Variants in EFHB observed in about 807,000 individuals in gnomAD.
EFHB encodes the protein EF-hand domain-containing family member B.
A neutral mutation model predicts 87.2 loss-of-function variants in EFHB; 91 were observed. That is an observed-to-expected ratio of 1.04 (90% CI 0.88 to 1.24). The LOEUF (loss-of-function observed/expected upper bound fraction) is 1.24, where lower values mean the gene tolerates loss of function less well. Among genes scored for constraint, EFHB ranks in the 50% most tolerant of loss-of-function variants. The probability of loss-of-function intolerance (pLI) is 0.00; values close to 1 mark genes in which losing one functional copy is unlikely to be tolerated. For missense variants in EFHB, 1,084 were observed against 998.8 expected, an observed-to-expected ratio of 1.09 and a Z score of -1.15; for synonymous variants, 325 against 333.6, an observed-to-expected ratio of 0.97 and a Z score of 0.28.
chr3:19,880,412 G>A (rs2071645677), intron 12 of EFHB, among the ~76,000 whole-genome samples: 1 of 151,876 alleles, frequency 6.6e-6, no homozygotes, highest in Non-Finnish European at 1.5e-5. Flanking sequence ...ACCACACCTG[G>A]CCAATTTTTT....
chr3:19,918,318 GGTGCTC>G lies in EFHB; in HGVS notation c.1085_1090del (p.Arg362_Ala363del), dbSNP rs766313970. The G allele has an allele frequency of 6.2e-7, 1 of 1,612,904 alleles. No homozygotes were observed. The highest frequency in any genetic ancestry group is 2.2e-5 in the East Asian group (1 of 44,846). The stretch of plus-strand genomic sequence containing the variant: ...TGCTTGATCGTGAGATTTTCCTAAT[GGTGCTC>G]GTCGATTGCTAAGATATATAGATTC... On this transcript the variant is annotated inframe_deletion, in exon 4 of 13. Coordinates refer to ENST00000295824, the MANE Select transcript of EFHB (RefSeq NM_144715.4).
intron 1 of EFHB, among the ~76,000 whole-genome samples, chr3:19,943,713 A>G (rs377385194): frequency 9.2e-5 from 14 of 152,342 alleles, no homozygotes; most frequent in East Asian, 3.9e-4. Flanking sequence ...AGACTAGAGC[A>G]TCTGCAAATT....
Position 19,899,495 on chromosome 3 carries a change from A to G in EFHB, c.1439T>C (p.Val480Ala), listed in dbSNP as rs752814321. ...TTTGAAATCATCTGCTCTTTTGGAT[A>G]CAAACTTAGCTCCTCTTTTCCTGCA... The part of the protein sequence containing the change: ...ELQMKRGAKF[V>A]SKRADDFKEK... The change falls in exon 7 of 13, where the codon GTA becomes GCA. Residue 480 changes from valine (V) to alanine (A), a missense_variant. Physicochemically the swap from Val to Ala is moderately conservative, Grantham distance 64. Coordinates refer to ENST00000295824, the MANE Select transcript of EFHB (RefSeq NM_144715.4). 1.2e-6 allele frequency: 2 copies of G among 1,604,950 alleles called. No homozygotes were observed. The highest frequency in any genetic ancestry group is 1.7e-5 in the Admixed American group (1 of 58,638).
Position 19,919,905 on chromosome 3 carries a change from A to C in EFHB, c.924T>G (p.Phe308Leu). 6.2e-7 allele frequency: 1 copy of C among 1,613,668 alleles called. No individual in the cohort carries two copies. Among genetic ancestry groups the C allele is most frequent in the Non-Finnish European group, 8.5e-7 (1 of 1,179,780 alleles). The change falls in exon 3 of 13, where the codon TTT (phenylalanine) becomes TTG (leucine). Residue 308 changes from phenylalanine (F) to leucine (L), a missense_variant. Physicochemically the swap from Phe to Leu is conservative, Grantham distance 22. Transcript: ENST00000295824. ...TCTGGGGATCATTTGCTCTTCCGTA[A>C]AATACTCTTTCTACTCCAGCAGGTG... Reference protein sequence around the residue: ...RYPPAGVERVFYGRANDPQIA... With the variant: ...RYPPAGVERVLYGRANDPQIA...
intron 3 of EFHB, among the ~76,000 whole-genome samples, chr3:19,918,905 G>A (rs1052876786): frequency 2.7e-5 from 4 of 150,324 alleles, no homozygotes; most frequent in African/African-American, 4.9e-5. Context: ...GCTTGAGCCC[G>A]GTAAGTGGAG....
At chr3:19,895,480 C>CA (rs746098754) in intron 9 of EFHB, among the ~76,000 whole-genome samples, 5,936 of 99,550 alleles carry the variant, frequency 0.06, 365 homozygotes, top group African/African-American at 0.18. Context: ...GACTCGGTCT[C>CA]AAAAAAAAAA....
chr3:19,943,255 A>T, intron 1 of EFHB: 1 of 266,062 alleles, frequency 3.8e-6, no homozygotes, highest in South Asian at 5.1e-5. Flanking sequence ...TACATGCTGG[A>T]AAACACCCAC....
chr3:19,920,751 T>C (rs148618969), intron 1 of EFHB, among the ~76,000 whole-genome samples, 184 bp from the exon 2 acceptor site: 44 of 152,350 alleles, frequency 2.9e-4, no homozygotes, highest in Admixed American at 2.5e-3. Context: ...TTAAATGCTA[T>C]GTATATATTA....
At chr3:19,887,542 A>G (rs1003350188) in intron 10 of EFHB, among the ~76,000 whole-genome samples, 1 of 152,274 alleles carries the variant, frequency 6.6e-6, no homozygotes, top group East Asian at 1.9e-4. Context: ...GAAAGATAAA[A>G]TGTAGGCCAG....
intron 9 of EFHB, among the ~76,000 whole-genome samples, chr3:19,889,856 A>C (rs1694243948): frequency 2.0e-5 from 3 of 152,124 alleles, no homozygotes; most frequent in African/African-American, 4.8e-5. Context: ...GCGTGGTGGC[A>C]CATGCCTGTA....
Position 19,918,196 on chromosome 3 carries a change from C to T in EFHB, c.1177+36G>A. 5 of 1,512,578 alleles carry T rather than the reference C, an allele frequency of 3.3e-6. No homozygotes were observed. The South Asian group carries it at 5.2e-5, about 16-fold the overall frequency. 93.7% of individuals were successfully genotyped at this position (1,512,578 alleles called of 1,614,324 possible). On this transcript the variant is annotated intron_variant, in intron 4 of 12. Coordinates refer to ENST00000295824, the MANE Select transcript of EFHB (RefSeq NM_144715.4). Reference sequence around the variant, plus strand: ...AATTTTCCAAAGAGACTTATTTTACCAGCCCCTTCCCACCCCTTATTTTTT... The same window carrying T: ...AATTTTCCAAAGAGACTTATTTTACTAGCCCCTTCCCACCCCTTATTTTTT...
intron 9 of EFHB, among the ~76,000 whole-genome samples, chr3:19,892,855 C>CTAAAATAAAATAAAATAAAATAAAA (rs202053738): frequency 4.4e-5 from 6 of 136,922 alleles, no homozygotes; most frequent in African/African-American, 1.9e-4. Flanking sequence ...AATCTCATCT[C>CTAAAATAAAATAAAATAAAATAAAA]TAAAATAAAA....
In EFHB at chr3:19,933,623, C is replaced by T. The variant is rs754125961; in HGVS notation, c.396G>A (p.Arg132=). 1.9e-6 allele frequency: 3 copies of T among 1,614,012 alleles called. No individual in the cohort carries two copies. Among genetic ancestry groups the T allele is most frequent in the Admixed American group, 1.7e-5 (1 of 60,026 alleles). Residue 132 remains arginine, a synonymous_variant, in exon 1 of 13, where the codon AGG becomes AGA. Transcript: ENST00000295824. ...CTGCAGCCTGTGAACTTCCACACAC[C>T]CTGCCCAAAGGAGGCTGTATTATCC... ...HERIIQPPLG[R]VCGSSQAAGS...
rs547821176 is a variant in EFHB, at chr3:19,899,237, C to T, written c.1502+195G>A. Among the ~76,000 whole-genome samples the T allele has an allele frequency of 7.2e-4, 110 of 152,342 alleles. 1 individual carries two copies. Among genetic ancestry groups the T allele is most frequent in the African/African-American group, 2.6e-3 (108 of 41,578 alleles). On this transcript the variant is annotated intron_variant, in intron 7 of 12. Transcript: ENST00000295824. ...ATCCCTCTCTCTTCTCCAGTGCCTT[C>T]TGCATTTTGGAGAACTCACTGCTTT...
intron 4 of EFHB, among the ~76,000 whole-genome samples, chr3:19,917,649 C>G (rs1021716182): frequency 5.9e-5 from 9 of 152,150 alleles, no homozygotes; most frequent in African/African-American, 1.7e-4. Flanking sequence ...GAACCTGGGT[C>G]TTCAGAGGGA....
intron 1 of EFHB, among the ~76,000 whole-genome samples, chr3:19,927,614 T>C (rs1695676558): frequency 6.6e-6 from 1 of 152,168 alleles, no homozygotes; most frequent in Non-Finnish European, 1.5e-5. Flanking sequence ...GAAAGATCTC[T>C]CATTAAAGTA....
chr3:19,903,682 C>A (rs1484479696), intron 6 of EFHB, among the ~76,000 whole-genome samples: 1 of 151,700 alleles, frequency 6.6e-6, no homozygotes, highest in Non-Finnish European at 1.5e-5. Flanking sequence ...TGTGTTTTAC[C>A]ATCCTTATTT....
At chr3:19,894,076 A>C (rs767626092) in intron 9 of EFHB, among the ~76,000 whole-genome samples, 9 of 152,268 alleles carry the variant, frequency 5.9e-5, no homozygotes, top group Non-Finnish European at 1.2e-4. Flanking sequence ...GTCATGAATT[A>C]CATAGTCTAT....
At chr3:19,895,480 CAAA>C (rs746098754) in intron 9 of EFHB, among the ~76,000 whole-genome samples, 3 of 99,714 alleles carry the variant, frequency 3.0e-5, no homozygotes, top group Non-Finnish European at 4.4e-5. Context: ...GACTCGGTCT[CAAA>C]AAAAAAAAAA....
Sources: gnomAD v4.1 joint callset for allele counts (sites outside exome capture counted in the v4.1 genomes callset) on GRCh38, gnomAD v4.1.1 for gene constraint, MANE v1.5 for transcripts, NCBI Gene and HGNC (gene_info 2026-07-23, HGNC 2026-07-21) for gene names.